ZFHX3: variants seen among roughly 807,000 people sequenced by gnomAD.
ZFHX3 encodes zinc finger homeobox 3, also known as zinc finger homeobox protein 3.
In ZFHX3, 42 loss-of-function variants were observed where a neutral mutation model predicts 279.1. The observed-to-expected ratio is 0.15, with a 90% confidence interval of 0.12 to 0.19. The LOEUF is 0.19. Ranked by LOEUF, ZFHX3 falls within the 10% of genes least tolerant of loss-of-function variation. The probability of loss-of-function intolerance (pLI) is 1.00; values close to 1 mark genes in which losing one functional copy is unlikely to be tolerated. For missense variants in ZFHX3, 4,981 were observed against 4,754.0 expected (o/e 1.05, Z -1.40); for synonymous variants, 2,293 against 1,957.8 (o/e 1.17, Z -4.52).
At chr16:73,681,228 A>G (rs575431328) in intron 1 of ZFHX3, among the ~76,000 whole-genome samples, 6 of 152,322 alleles carry the variant, frequency 3.9e-5, no homozygotes, top group Admixed American at 2.0e-4. Flanking sequence ...CATGGGAGAG[A>G]AAGGCATTTT....
intron 1 of ZFHX3, among the ~76,000 whole-genome samples, chr16:73,865,216 T>C (rs191555294): frequency 3.7e-4 from 57 of 152,344 alleles, no homozygotes; most frequent in Non-Finnish European, 7.8e-4. Flanking sequence ...TGAGCAACTT[T>C]ATGATTGTTG....
At chr16:73,330,175 G>T (rs2015773173) in intron 3 of ZFHX3, among the ~76,000 whole-genome samples, 1 of 152,182 alleles carries the variant, frequency 6.6e-6, no homozygotes, top group East Asian at 1.9e-4. Flanking sequence ...GAAGAGAGGA[G>T]AGAGTTTTGA....
intron 1 of ZFHX3, among the ~76,000 whole-genome samples, chr16:73,045,345 A>C (rs537652363): frequency 6.6e-6 from 1 of 152,372 alleles, no homozygotes; most frequent in Non-Finnish European, 1.5e-5. Context: ...GGGAGTGTCT[A>C]GCAAGCATCA....
At position 73,726,172 on chromosome 16, in the gene ZFHX3, T is replaced by A. The variant is rs112585737; in HGVS notation, c.-1607-45932A>T. On this transcript the variant is annotated intron_variant, in intron 1 of 17. Transcript: ENST00000641206. ...TTTGGGGTCAAAACTCTAGAGAAAG[T>A]CTAGGGGCGAGGGGTGATAGAAACC... is the stretch of plus-strand genomic sequence containing the variant. Among the ~76,000 whole-genome samples, 1,067 of 152,136 alleles carry A rather than the reference T, an allele frequency of 7.0e-3. 14 individuals carry two copies. The highest frequency in any genetic ancestry group is 0.025 in the African/African-American group (1,022 of 41,504).
intron 3 of ZFHX3, among the ~76,000 whole-genome samples, chr16:73,398,604 T>C (rs1014091855): frequency 3.3e-5 from 5 of 152,188 alleles, no homozygotes; most frequent in African/African-American, 1.2e-4. Context: ...CATAGGAGGA[T>C]CTCTAAAAAT....
chr16:73,518,576 C>T (rs980662258), intron 2 of ZFHX3, among the ~76,000 whole-genome samples: 1 of 152,144 alleles, frequency 6.6e-6, no homozygotes, highest in Admixed American at 6.5e-5. Context: ...GAAGACTCTG[C>T]CCCGAGCAAG....
chr16:73,317,273 C>CG (rs2015472108), intron 4 of ZFHX3, among the ~76,000 whole-genome samples: 2 of 11,060 alleles, frequency 1.8e-4, no homozygotes, highest in South Asian at 5.2e-3. Flanking sequence ...AAACAGAAGC[C>CG]GGGGGGTGGG....
Position 73,428,001 on chromosome 16 carries a change from G to T in ZFHX3, c.-1291+28002C>A, listed in dbSNP as rs748591486. On this transcript the variant is annotated intron_variant, in intron 3 of 17. Coordinates refer to the ZFHX3 transcript ENST00000641206. ...AGGCCTCGTGAATTTATTTAAGTGG[G>T]ACACAAATTATCCCTTAGAACACAC... 1.2e-4 allele frequency among the ~76,000 whole-genome samples: 18 copies of T among 152,180 alleles called. 1 individual carries two copies. The highest frequency in any genetic ancestry group is 2.1e-4 in the Non-Finnish European group (14 of 68,012).
chr16:73,382,100 T>A (rs923309550), intron 3 of ZFHX3, among the ~76,000 whole-genome samples: 4 of 152,070 alleles, frequency 2.6e-5, no homozygotes, highest in Non-Finnish European at 4.4e-5. Flanking sequence ...AATAAAGTAG[T>A]CCCCCATTTC....
chr16:73,115,784 G>A (rs1296160445), intron 7 of ZFHX3, among the ~76,000 whole-genome samples: 3 of 152,144 alleles, frequency 2.0e-5, no homozygotes, highest in African/African-American at 7.2e-5. Flanking sequence ...CACATTGTTT[G>A]TGATGGAGCC....
intron 2 of ZFHX3, among the ~76,000 whole-genome samples, chr16:73,575,092 T>A (rs1005118392): frequency 6.6e-6 from 1 of 152,228 alleles, no homozygotes; most frequent in Non-Finnish European, 1.5e-5. Flanking sequence ...CAGTTTGACT[T>A]CTTACAGCTG....
chr16:73,237,702 C>T (rs1170461028), intron 5 of ZFHX3, among the ~76,000 whole-genome samples: 1 of 151,986 alleles, frequency 6.6e-6, no homozygotes, highest in African/African-American at 2.4e-5. Context: ...ATGCTCATCC[C>T]CGCCTCACTT....
At chr16:73,169,149 T>A (rs985230875) in intron 5 of ZFHX3, among the ~76,000 whole-genome samples, 8 of 152,204 alleles carry the variant, frequency 5.3e-5, no homozygotes, top group African/African-American at 1.9e-4. Context: ...CACTTATTTG[T>A]TCATTGATAC....
At chr16:73,424,822 A>G (rs2017783254) in intron 3 of ZFHX3, among the ~76,000 whole-genome samples, 1 of 152,066 alleles carries the variant, frequency 6.6e-6, no homozygotes, top group Admixed American at 6.5e-5. Flanking sequence ...TACTGACTTA[A>G]AAGTAATCAC....
intron 1 of ZFHX3, among the ~76,000 whole-genome samples, chr16:73,843,173 T>C (rs1383052998): frequency 6.6e-6 from 1 of 152,216 alleles, no homozygotes; most frequent in Non-Finnish European, 1.5e-5. Flanking sequence ...GTGAAGTTAT[T>C]TTAGACAAGA....
intron 1 of ZFHX3, among the ~76,000 whole-genome samples, chr16:73,701,843 A>T (rs894600922): frequency 2.0e-5 from 3 of 151,558 alleles, no homozygotes; most frequent in Admixed American, 2.0e-4. Flanking sequence ...AATGTTGCAG[A>T]TATTGAAAAT....
chr16:73,267,126 A>G (rs1247100884), intron 4 of ZFHX3, among the ~76,000 whole-genome samples: 1 of 152,210 alleles, frequency 6.6e-6, no homozygotes, highest in East Asian at 1.9e-4. Flanking sequence ...GTGTCACTGA[A>G]GAGGGAAAAA....
intron 4 of ZFHX3, among the ~76,000 whole-genome samples, chr16:72,875,780 A>G (rs1486687287): frequency 6.6e-6 from 1 of 152,224 alleles, no homozygotes; most frequent in African/African-American, 2.4e-5. Context: ...AAGCCTTTGT[A>G]AGAACATAAT....
rs187940593 is a variant in ZFHX3, at chr16:73,478,779, G to A, written c.-1546-22521C>T. Among the ~76,000 whole-genome samples, 8 of 152,268 alleles carry A rather than the reference G, an allele frequency of 5.3e-5. No homozygotes were observed. In the East Asian group the frequency reaches 9.6e-4, roughly 18 times the overall value. ...GATAAAACCCAGACTCAAGCTGGGC[G>A]CGGTGGCTCCAGCCTGTAATCCCAG... On this transcript the variant is annotated intron_variant, in intron 2 of 17. Transcript: ENST00000641206.
Sources: allele counts gnomAD v4.1 joint callset (sites outside exome capture counted in the v4.1 genomes callset), GRCh38; gene constraint gnomAD v4.1.1; transcripts MANE v1.5; gene names NCBI Gene and HGNC (gene_info 2026-07-23, HGNC 2026-07-21).